INPP5D: variants seen among roughly 807,000 people sequenced by gnomAD.
The protein encoded by INPP5D is phosphatidylinositol 3,4,5-trisphosphate 5-phosphatase 1.
INPP5D carries 33 observed loss-of-function variants against 122.9 expected under a neutral mutation model. That is an observed-to-expected ratio of 0.27 (90% confidence interval 0.20 to 0.36). The LOEUF (loss-of-function observed/expected upper bound fraction) is 0.36, where lower values mean the gene tolerates loss of function less well. Ranked by LOEUF, INPP5D falls within the 10% of genes least tolerant of loss-of-function variation. INPP5D has a pLI of 1.00. For missense variants in INPP5D, 1,053 were observed against 1,412.7 expected, an observed-to-expected ratio of 0.75 and a Z score of 4.08; for synonymous variants, 584 against 576.2, an observed-to-expected ratio of 1.01 and a Z score of -0.19.
In INPP5D at chr2:233,125,933, C is replaced by G. The variant is rs780891424; in HGVS notation, c.524+14C>G. 4.3e-5 allele frequency: 69 copies of G among 1,609,786 alleles called. No individual in the cohort carries two copies. Among genetic ancestry groups the G allele is most frequent in the Admixed American group, 1.0e-4 (6 of 59,474 alleles). On this transcript the variant is annotated intron_variant, in intron 4 of 26. Transcript: ENST00000445964. ...GGACACCAGTGGGTGAGTCCCCACT[C>G]AAGTCCAGCTGGGCCTTCATCTGCA...
intron 4 of INPP5D, among the ~76,000 whole-genome samples, chr2:233,129,646 A>G (rs1457566598): frequency 6.6e-6 from 1 of 152,120 alleles, no homozygotes; most frequent in East Asian, 1.9e-4. Flanking sequence ...CTCATTCCAT[A>G]TCCCCAGCCC....
rs150785655 is a variant in INPP5D, at chr2:233,152,271, T to C, written c.1030+4677T>C. Among the ~76,000 whole-genome samples, 1,264 of 152,292 alleles carry C rather than the reference T, an allele frequency of 8.3e-3. 18 individuals carry two copies. Among genetic ancestry groups the C allele is most frequent in the African/African-American group, 0.029 (1,209 of 41,558 alleles). On this transcript the variant is annotated intron_variant, in intron 9 of 26. Transcript: ENST00000445964. Reference sequence around the variant, plus strand: ...GCGGTGCTCGCCTGGAGGGAATCTGTGGTTGCAAGAGTTGGAGCTTCCTTA... The same window carrying C: ...GCGGTGCTCGCCTGGAGGGAATCTGCGGTTGCAAGAGTTGGAGCTTCCTTA...
chr2:233,134,116 G>C, intron 5 of INPP5D: 1 of 428,112 alleles, frequency 2.3e-6, no homozygotes, highest in Non-Finnish European at 4.8e-6. Context: ...GGGCTGAGTG[G>C]ATGCTGATGC....
intron 2 of INPP5D, among the ~76,000 whole-genome samples, chr2:233,106,094 A>G (rs1692461573): frequency 6.6e-6 from 1 of 152,224 alleles, no homozygotes; most frequent in African/African-American, 2.4e-5. Flanking sequence ...AGTTTCAATA[A>G]GAGGAAGACC....
At chr2:233,096,286 C>T (rs1038700225) in intron 2 of INPP5D, among the ~76,000 whole-genome samples, 1 of 152,160 alleles carries the variant, frequency 6.6e-6, no homozygotes, top group Non-Finnish European at 1.5e-5. Flanking sequence ...ATTACCAGTG[C>T]CTGTAATTTT....
intron 2 of INPP5D, among the ~76,000 whole-genome samples, chr2:233,098,567 C>G (rs1336668999): frequency 6.6e-6 from 1 of 152,196 alleles, no homozygotes; most frequent in Non-Finnish European, 1.5e-5. Context: ...CGGTTCTCCC[C>G]TCAGGAGATA....
intron 9 of INPP5D, among the ~76,000 whole-genome samples, chr2:233,149,136 C>A (rs1693854933): frequency 6.9e-6 from 1 of 143,980 alleles, no homozygotes; most frequent in Non-Finnish European, 1.5e-5. Context: ...CAAAGTCTCG[C>A]TCTATCACCC....
At chr2:233,076,061 G>A (rs530730138) in intron 1 of INPP5D, among the ~76,000 whole-genome samples, 6 of 152,170 alleles carry the variant, frequency 3.9e-5, no homozygotes, top group Admixed American at 6.5e-5. Context: ...TGTTCTGTGC[G>A]CCTGCCTCTG....
At position 233,137,876 on chromosome 2, in the gene INPP5D, A is replaced by G. The variant is rs1574757649; in HGVS notation, c.666-1966A>G. ...AAAATATATATATATATATATATAT[A>G]TATATATATATATATATATATACAC... On this transcript the variant is annotated intron_variant, in intron 5 of 26. Transcript: ENST00000445964. Among the ~76,000 whole-genome samples the G allele has an allele frequency of 3.4e-5, 2 of 58,510 alleles. 1 individual carries two copies. Among genetic ancestry groups the G allele is most frequent in the Admixed American group, 3.8e-4 (2 of 5,328 alleles). The allele number at this position is 58,510 out of a possible 152,430, so 38.4% of individuals were successfully genotyped here.
intron 5 of INPP5D, among the ~76,000 whole-genome samples, chr2:233,134,401 A>G (rs1428418474): frequency 6.6e-6 from 1 of 151,970 alleles, no homozygotes; most frequent in Non-Finnish European, 1.5e-5. Flanking sequence ...GGAGGGATGG[A>G]GAAGGAGGAG....
intron 1 of INPP5D, among the ~76,000 whole-genome samples, chr2:233,076,913 GA>G (rs1691533982): frequency 6.6e-6 from 1 of 151,886 alleles, no homozygotes; most frequent in East Asian, 1.9e-4. Context: ...GTTAGTAGGA[GA>G]AAAAAAAGGC....
chr2:233,159,468 C>T (rs1305874273), intron 10 of INPP5D, among the ~76,000 whole-genome samples: 2 of 151,322 alleles, frequency 1.3e-5, no homozygotes, highest in South Asian at 2.1e-4. Context: ...GAGGCTGAGG[C>T]GGGACGGTTG....
At position 233,160,387 on chromosome 2, in the gene INPP5D, C is replaced by T. The variant is rs920998734; in HGVS notation, c.1138-1337C>T. Among the ~76,000 whole-genome samples, 1 of 152,174 alleles carries T rather than the reference C, an allele frequency of 6.6e-6. No individual in the cohort carries two copies. On this transcript the variant is annotated intron_variant, in intron 10 of 26. Coordinates refer to ENST00000445964, the MANE Select transcript of INPP5D (RefSeq NM_001017915.3). The surrounding 1 kb of genome is among the most constrained non-coding windows in gnomAD (Gnocchi z 4.2). ...CCCCACTGGGTACCCCAGAAAAATA[C>T]GTGAAAAATATTGAGTAGGCTATGA... is the stretch of plus-strand genomic sequence containing the variant.
chr2:233,190,256 C>T (rs1433024137), intron 22 of INPP5D, among the ~76,000 whole-genome samples: 2 of 152,182 alleles, frequency 1.3e-5, no homozygotes, highest in African/African-American at 4.8e-5. Context: ...TAAACAGAGG[C>T]TCAGAAAGAT....
chr2:233,181,662 G>A (rs1209146954), intron 18 of INPP5D, among the ~76,000 whole-genome samples: 1 of 152,128 alleles, frequency 6.6e-6, no homozygotes, highest in Non-Finnish European at 1.5e-5. Context: ...CTCCTTAACA[G>A]AGTTTTCTAC....
chr2:233,169,188 C>T, intron 13 of INPP5D, 117 bp from the exon 14 acceptor site: 1 of 1,468,014 alleles, frequency 6.8e-7, no homozygotes, highest in Non-Finnish European at 9.2e-7. Context: ...CTGTTTCGCC[C>T]ATCCCTTGCC....
At chr2:233,122,449 G>T (rs1481519851) in intron 3 of INPP5D, among the ~76,000 whole-genome samples, 192 bp downstream of exon 3, 2 of 152,216 alleles carry the variant, frequency 1.3e-5, no homozygotes, top group East Asian at 3.8e-4. Flanking sequence ...CAGCTTATTA[G>T]CCAGGTGACC....
chr2:233,144,073 A>G (rs1693684814), intron 6 of INPP5D, among the ~76,000 whole-genome samples: 1 of 134,824 alleles, frequency 7.4e-6, no homozygotes, highest in African/African-American at 3.1e-5. Flanking sequence ...GGTCATGATC[A>G]TGGAAAATAA....
At chr2:233,172,109 G>A (rs1694505734) in intron 17 of INPP5D, among the ~76,000 whole-genome samples, 1 of 152,238 alleles carries the variant, frequency 6.6e-6, no homozygotes. Context: ...CACGAGGCTG[G>A]GACCCCCAGG....
Sources: gnomAD v4.1 joint callset for allele counts (sites outside exome capture counted in the v4.1 genomes callset) on GRCh38, gnomAD v4.1.1 for gene constraint, Gnocchi (gnomAD v3.1) non-coding constraint, MANE v1.5 for transcripts, NCBI Gene and HGNC (gene_info 2026-07-23, HGNC 2026-07-21) for gene names.